C1QTNF9B: variants seen among roughly 807,000 people sequenced by gnomAD.
The protein encoded by C1QTNF9B is C1q and TNF related 9B.
In C1QTNF9B, 9 loss-of-function variants were observed where a neutral mutation model predicts 10.1. The observed-to-expected ratio is 0.89, with a 90% CI of 0.53 to 1.55. C1QTNF9B has a LOEUF of 1.55. C1QTNF9B is among the 40% of genes most tolerant of loss of function. The pLI, the probability that C1QTNF9B is intolerant of heterozygous loss-of-function variation, is 0.00. For synonymous variants in C1QTNF9B, 79 were observed against 159.9 expected (o/e 0.49, Z 3.82); for missense variants, 196 against 414.4 (o/e 0.47, Z 4.58).
At chr13:23,893,952 G>A (rs1294120220) in intron 2 of C1QTNF9B, among the ~76,000 whole-genome samples, 187 bp downstream of exon 4, 1 of 152,194 alleles carries the variant, frequency 6.6e-6, no homozygotes, top group Non-Finnish European at 1.5e-5. Context: ...TCTGTGTGGA[G>A]TTGAGAATAT....
chr13:23,897,207 G>T (rs1454748809), upstream of C1QTNF9B: 3 of 558,042 alleles, frequency 5.4e-6, no homozygotes, highest in Non-Finnish European at 9.3e-6. Context: ...TAACACTTGT[G>T]ATTGGAACCA....
At chr13:23,895,324 A>C (rs1425776419) in intron 1 of C1QTNF9B, among the ~76,000 whole-genome samples, 2 of 152,102 alleles carry the variant, frequency 1.3e-5, no homozygotes, top group Admixed American at 1.3e-4. Context: ...ATCAGTAGAC[A>C]TTTATATGTT....
At position 23,894,008 on chromosome 13, in the gene C1QTNF9B, C is replaced by T. The variant is rs546982418; in HGVS notation, c.229+131G>A. The stretch of plus-strand genomic sequence containing the variant: ...AAGCCTGCCAATCCCTGCAGAATCC[C>T]CCCATCTGGAGAGTAAGAACTGTGT... On this transcript the variant is annotated intron_variant, in intron 2 of 2. Coordinates refer to ENST00000382137, the Ensembl canonical transcript of C1QTNF9B. 8.7e-6 allele frequency: 10 copies of T among 1,154,668 alleles called. No homozygotes were observed. In the African/African-American group the frequency reaches 1.5e-4, roughly 18 times the overall value. 71.5% of individuals were successfully genotyped at this position (1,154,668 alleles called of 1,614,324 possible). A position where few individuals can be genotyped will look rare whatever the true frequency, so the allele number is the denominator to read the frequency against.
chr13:23,897,240 A>T (rs544554600), upstream of C1QTNF9B: 82 of 490,022 alleles, frequency 1.7e-4, 1 homozygote, highest in African/African-American at 1.5e-3. Context: ...AACGGGCAAT[A>T]AAAAAAAGCC....
chr13:23,897,409 TAGCATTACCATCTGATCC>T, upstream of C1QTNF9B: 1 of 201,532 alleles, frequency 5.0e-6, no homozygotes, highest in Non-Finnish European at 1.0e-5. Context: ...GAAGCAAACA[TAGCATTACCATCTGATCC>T]AGCAATTCCA....
At chr13:23,894,981 G>A (rs4067969) in intron 1 of C1QTNF9B, among the ~76,000 whole-genome samples, 50,892 of 151,928 alleles carry the variant, frequency 0.33, 8,919 homozygotes, top group East Asian at 0.45. Context: ...GCTGTGGGGC[G>A]ACAGGCGCAG....
chr13:23,891,246 T>G, exon 3 of C1QTNF9B: 1 of 1,440,840 alleles, frequency 6.9e-7, no homozygotes, highest in East Asian at 2.3e-5. Flanking sequence ...CATCCCAAGC[T>G]GATTCTGATG....
chr13:23,894,634 A>C, intron 1 of C1QTNF9B: 2 of 464,090 alleles, frequency 4.3e-6, no homozygotes, highest in Non-Finnish European at 4.3e-6. Context: ...TGGAAGATTT[A>C]CTAGGCTCCT....
chr13:23,891,427 A>T (rs756087745), exon 3 of C1QTNF9B: 1 of 1,582,120 alleles, frequency 6.3e-7, no homozygotes, highest in East Asian at 2.2e-5. Context: ...CAATGCTGCC[A>T]GAGGCCTGGT....
exon 3 of C1QTNF9B, chr13:23,891,837 C>A: frequency 6.2e-7 from 1 of 1,611,828 alleles, no homozygotes; most frequent in Non-Finnish European, 8.5e-7. Context: ...CCCATGGGGC[C>A]CGGTAAACCA....
rs1872029695 is a variant in C1QTNF9B at position 23,892,245 on chromosome 13, T to C, written c.230-184A>G. ...GGCTCACACCTGTAATCCTAGCACCTTGGGAGACCGCGGCAGGAGGACTGC... is the reference window on the plus strand; with the variant it reads ...GGCTCACACCTGTAATCCTAGCACCCTGGGAGACCGCGGCAGGAGGACTGC... On this transcript the variant is annotated intron_variant, in intron 2 of 2. Coordinates refer to ENST00000382137, the Ensembl canonical transcript of C1QTNF9B. The C allele has an allele frequency of 1.4e-5, 17 of 1,185,326 alleles. No homozygotes were observed. In the East Asian group the frequency reaches 4.4e-4, roughly 31 times the overall value. 73.4% of individuals were successfully genotyped at this position (1,185,326 alleles called of 1,614,324 possible). A position where few individuals can be genotyped will look rare whatever the true frequency, so the allele number is the denominator to read the frequency against.
Position 23,896,885 on chromosome 13 carries a change from G to A in C1QTNF9B, c.102C>T (p.Pro34=), listed in dbSNP as rs146144213. The A allele has an allele frequency of 2.2e-5, 36 of 1,613,814 alleles. No homozygotes were observed. The African/African-American group carries it at 3.7e-4, about 17-fold the overall frequency. ...CTCTTCCAGGCAGACCATTGTGACC[G>A]GGGTTCCCAGGGATTCCAGGGTGCC... The change falls in exon 1 of 3, where the codon CCC becomes CCT. Residue 34 remains proline, a synonymous_variant. Transcript: ENST00000382137.
intron 2 of C1QTNF9B, among the ~76,000 whole-genome samples, chr13:23,892,698 T>C (rs551624223): frequency 6.6e-6 from 1 of 152,104 alleles, no homozygotes; most frequent in East Asian, 1.9e-4. Context: ...CACACGTGTG[T>C]GCACATGGAC....
chr13:23,894,698 A>G (rs913087569), intron 1 of C1QTNF9B: 3 of 453,040 alleles, frequency 6.6e-6, no homozygotes, highest in African/African-American at 2.0e-5. Flanking sequence ...TAGAAGAGAG[A>G]GTTCTGGAGG....
intron 1 of C1QTNF9B, among the ~76,000 whole-genome samples, chr13:23,894,878 T>C (rs1472243098): frequency 2.6e-5 from 4 of 152,190 alleles, no homozygotes; most frequent in African/African-American, 4.8e-5. Context: ...GCTCTGGCTA[T>C]GGCAGTAGAG....
chr13:23,895,231 C>T (rs929868611), intron 1 of C1QTNF9B, among the ~76,000 whole-genome samples: 20 of 151,884 alleles, frequency 1.3e-4, no homozygotes, highest in African/African-American at 4.6e-4. Context: ...GCTTGGCTCT[C>T]GTTTCTCCCA....
intron 2 of C1QTNF9B, among the ~76,000 whole-genome samples, chr13:23,892,911 C>G (rs1333470759): frequency 6.6e-6 from 1 of 152,154 alleles, no homozygotes; most frequent in African/African-American, 2.4e-5. Context: ...CTCTAAAAAC[C>G]TCCTCCCTGG....
chr13:23,897,062 C>T, upstream of C1QTNF9B: 2 of 1,594,190 alleles, frequency 1.3e-6, no homozygotes, highest in East Asian at 2.2e-5. Context: ...GGGCCCTGGA[C>T]ACAGCCTCCG....
intron 1 of C1QTNF9B, among the ~76,000 whole-genome samples, chr13:23,896,473 A>G (rs1163890819): frequency 2.0e-5 from 3 of 152,212 alleles, no homozygotes; most frequent in African/African-American, 7.2e-5. Context: ...GTTGCCAAAA[A>G]TCCAACATAC....
Sources: gnomAD v4.1 joint callset for allele counts (sites outside exome capture counted in the v4.1 genomes callset) on GRCh38, gnomAD v4.1.1 for gene constraint, MANE v1.5 for transcripts, NCBI Gene and HGNC (gene_info 2026-07-23, HGNC 2026-07-21) for gene names.